The following PDE4B variants were observed in gnomAD, a reference collection of about 807,000 sequenced individuals.
PDE4B encodes the protein phosphodiesterase 4B.
In PDE4B, 20 loss-of-function variants were observed where a neutral mutation model predicts 82.2. The observed-to-expected ratio is 0.24, with a 90% CI of 0.17 to 0.35. The LOEUF (loss-of-function observed/expected upper bound fraction) is 0.35. PDE4B is among the 10% of genes least tolerant of loss of function. The pLI is 1.00. For missense variants in PDE4B, 655 were observed against 907.2 expected, an observed-to-expected ratio of 0.72 and a Z score of 3.57; for synonymous variants, 320 against 318.9, an observed-to-expected ratio of 1.00 and a Z score of -0.04.
intron 3 of PDE4B, among the ~76,000 whole-genome samples, chr1:66,173,672 T>A (rs980089350): frequency 6.6e-6 from 1 of 152,228 alleles, no homozygotes; most frequent in Non-Finnish European, 1.5e-5. Flanking sequence ...TAGAGTATCC[T>A]TATAAGCCCT....
chr1:66,034,465 T>TATGGA (rs774801959), intron 3 of PDE4B, among the ~76,000 whole-genome samples: 2 of 152,226 alleles, frequency 1.3e-5, no homozygotes, highest in Non-Finnish European at 2.9e-5. Context: ...TTCATGGCAT[T>TATGGA]ATGGAATATT....
At chr1:66,328,808 A>G (rs973865026) in intron 7 of PDE4B, among the ~76,000 whole-genome samples, 1 of 152,198 alleles carries the variant, frequency 6.6e-6, no homozygotes, top group Non-Finnish European at 1.5e-5. Flanking sequence ...GTAGCCTCAG[A>G]TGGGACATGT....
chr1:66,217,992 A>G (rs1650636957), intron 3 of PDE4B, among the ~76,000 whole-genome samples: 1 of 152,114 alleles, frequency 6.6e-6, no homozygotes, highest in Non-Finnish European at 1.5e-5. Context: ...TGTGTTATAG[A>G]AAGATTAAGC....
chr1:65,947,637 G>T (rs912931057), intron 3 of PDE4B, among the ~76,000 whole-genome samples: 1 of 151,950 alleles, frequency 6.6e-6, no homozygotes, highest in Non-Finnish European at 1.5e-5. Context: ...ATCTTTATCA[G>T]AAAAGGGAAA....
intron 1 of PDE4B, among the ~76,000 whole-genome samples, chr1:65,834,975 T>C (rs116109716): frequency 0.03 from 4,607 of 152,224 alleles, 180 homozygotes; most frequent in East Asian, 0.08. Flanking sequence ...CACCACTCTA[T>C]CCATCTATAG....
At chr1:66,172,282 C>T (rs766886033) in intron 3 of PDE4B, among the ~76,000 whole-genome samples, 1 of 152,180 alleles carries the variant, frequency 6.6e-6, no homozygotes, top group Non-Finnish European at 1.5e-5. Context: ...GACATGACTT[C>T]ATTTTTTCTT....
At chr1:65,822,400 T>A (rs760399254) in intron 1 of PDE4B, among the ~76,000 whole-genome samples, 14 of 152,206 alleles carry the variant, frequency 9.2e-5, no homozygotes, top group Non-Finnish European at 1.6e-4. Context: ...ATTTTCAACT[T>A]TGCAAAATGA....
intron 3 of PDE4B, among the ~76,000 whole-genome samples, chr1:66,011,610 A>G (rs1302353144): frequency 1.3e-5 from 2 of 152,086 alleles, no homozygotes; most frequent in African/African-American, 4.8e-5. Flanking sequence ...GACAGACACT[A>G]TTTCCTATTC....
In PDE4B at chr1:66,044,682, T is replaced by A. The variant is rs373231564; in HGVS notation, c.281+125847T>A. 2.6e-5 allele frequency among the ~76,000 whole-genome samples: 4 copies of A among 151,916 alleles called. No homozygotes were observed. In the East Asian group the frequency reaches 5.8e-4, roughly 22 times the overall value. ...TGTATTATATTTCTTTTGTGCTTCA[T>A]AAGATGTGAATAATATTTTCCAAAT... On this transcript the variant is annotated intron_variant, in intron 3 of 16. Transcript: ENST00000341517.
intron 1 of PDE4B, among the ~76,000 whole-genome samples, chr1:65,881,795 C>A (rs1462926403): frequency 3.3e-5 from 5 of 152,108 alleles, no homozygotes; most frequent in Non-Finnish European, 7.4e-5. Flanking sequence ...GCTAAATCAG[C>A]AAACATTTAA....
chr1:65,892,170 C>G (rs2100389216), intron 1 of PDE4B, among the ~76,000 whole-genome samples: 1 of 152,182 alleles, frequency 6.6e-6, no homozygotes, highest in South Asian at 2.1e-4. Flanking sequence ...TTATAATCCT[C>G]TAATTTTACT....
chr1:65,987,224 TA>T (rs1650999834), intron 3 of PDE4B, among the ~76,000 whole-genome samples: 1 of 152,194 alleles, frequency 6.6e-6, no homozygotes, highest in African/African-American at 2.4e-5. Flanking sequence ...GCATCTAGGA[TA>T]CAAGCCTCCC....
intron 1 of PDE4B, among the ~76,000 whole-genome samples, chr1:65,879,537 C>T (rs1646686863): frequency 6.6e-6 from 1 of 151,900 alleles, no homozygotes; most frequent in South Asian, 2.1e-4. Context: ...TTAATTTGGA[C>T]TGGAGGAATC....
chr1:65,820,840 C>T (rs1319225918), intron 1 of PDE4B, among the ~76,000 whole-genome samples: 1 of 152,218 alleles, frequency 6.6e-6, no homozygotes, highest in Non-Finnish European at 1.5e-5. Context: ...CAGCCATCCA[C>T]TTTCACTCCT....
At chr1:66,212,373 T>A (rs1036249440) in intron 3 of PDE4B, among the ~76,000 whole-genome samples, 19 of 152,176 alleles carry the variant, frequency 1.2e-4, no homozygotes, top group Admixed American at 4.6e-4. Flanking sequence ...CCTCATGCCA[T>A]GCCAGCCTTT....
intron 1 of PDE4B, among the ~76,000 whole-genome samples, chr1:65,870,391 G>T (rs1411947646): frequency 6.6e-6 from 1 of 151,782 alleles, no homozygotes; most frequent in Non-Finnish European, 1.5e-5. Context: ...CTTGCTACCA[G>T]CCAAAAAACA....
chr1:65,802,058 G>C (rs777053817), intron 1 of PDE4B, among the ~76,000 whole-genome samples: 3 of 152,180 alleles, frequency 2.0e-5, no homozygotes, highest in Non-Finnish European at 4.4e-5. Flanking sequence ...CGTGTGATAA[G>C]AGAAAAAGAA....
intron 3 of PDE4B, among the ~76,000 whole-genome samples, chr1:65,981,465 T>C (rs1370984389): frequency 6.6e-6 from 1 of 152,086 alleles, no homozygotes; most frequent in Non-Finnish European, 1.5e-5. Context: ...AGTTTCAGGA[T>C]ACAACTTAAT....
intron 3 of PDE4B, among the ~76,000 whole-genome samples, chr1:66,090,675 G>GTATA (rs1553144292): frequency 3.7e-4 from 2 of 5,338 alleles, no homozygotes; most frequent in Non-Finnish European, 7.3e-4. Context: ...ATATGTGTAT[G>GTATA]TGTATATGTA....
Sources: gnomAD v4.1 joint callset for allele counts (sites outside exome capture counted in the v4.1 genomes callset) on GRCh38, gnomAD v4.1.1 for gene constraint, MANE v1.5 for transcripts, NCBI Gene and HGNC (gene_info 2026-07-23, HGNC 2026-07-21) for gene names.